The following IL1RN variants were observed in gnomAD, a reference collection of about 807,000 sequenced individuals.
IL1RN encodes the protein interleukin 1 receptor antagonist.
In IL1RN, 10 loss-of-function variants were observed where a neutral mutation model predicts 13.7. The ratio of observed to expected loss-of-function variants is 0.73; its 90% CI spans 0.45 to 1.24. The LOEUF (loss-of-function observed/expected upper bound fraction) is 1.24, where lower values mean the gene tolerates loss of function less well. IL1RN is among the 50% of genes most tolerant of loss of function. The probability of loss-of-function intolerance (pLI) is 0.00; values close to 1 mark genes in which losing one functional copy is unlikely to be tolerated. For missense variants in IL1RN, 213 were observed against 222.1 expected (o/e 0.96, Z 0.26); for synonymous variants, 102 against 82.7 (o/e 1.23, Z -1.27).
At chr2:113,101,194 A>G in the IL1RN span, among the ~76,000 whole-genome samples, 2 of 152,192 alleles carry the variant, frequency 1.3e-5, no homozygotes, top group Admixed American at 6.5e-5. Context: ...CTCCAGACTG[A>G]TAAGAGTCTT....
In IL1RN at chr2:113,132,893, C is replaced by T. The variant is rs184394664; in HGVS notation, c.*22C>T. 534 of 1,608,170 alleles carry T rather than the reference C, an allele frequency of 3.3e-4. 5 individuals carry two copies. In the African/African-American group the frequency reaches 6.7e-3, roughly 20 times the overall value. ...GTAGTACTGCCCAGGCCTGCCTGTTCCCATTCTTGCATGGCAAGGACTGCA... is the reference window on the plus strand; with the variant it reads ...GTAGTACTGCCCAGGCCTGCCTGTTTCCATTCTTGCATGGCAAGGACTGCA... On this transcript the variant is annotated 3_prime_UTR_variant, in exon 4 of 4. Coordinates refer to ENST00000409930, the MANE Select transcript of IL1RN (RefSeq NM_173842.3).
intron 2 of IL1RN, chr2:113,129,935 C>T (rs1178575468): frequency 4.4e-6 from 2 of 459,192 alleles, no homozygotes; most frequent in African/African-American, 4.0e-5. Flanking sequence ...GGGCAAATAC[C>T]AGAAGGCAAG....
upstream of IL1RN, among the ~76,000 whole-genome samples, chr2:113,104,306 A>G (rs934039081): frequency 6.6e-6 from 1 of 152,150 alleles, no homozygotes; most frequent in Non-Finnish European, 1.5e-5. Flanking sequence ...GATGCTTCTC[A>G]GAGGAAAATT....
upstream of IL1RN, among the ~76,000 whole-genome samples, chr2:113,125,881 C>T (rs1686938183): frequency 6.6e-6 from 1 of 152,212 alleles, no homozygotes; most frequent in Non-Finnish European, 1.5e-5. Flanking sequence ...TCACTGCGAC[C>T]TCCATCTCCT....
chr2:113,104,988 A>G (rs1282403377), upstream of IL1RN, among the ~76,000 whole-genome samples: 1 of 152,254 alleles, frequency 6.6e-6, no homozygotes. Context: ...ACAAATTACC[A>G]TAACACAGTG....
chr2:113,103,222 C>T (rs1558857350), upstream of IL1RN, among the ~76,000 whole-genome samples: 1 of 152,118 alleles, frequency 6.6e-6, no homozygotes, highest in African/African-American at 2.4e-5. Context: ...ATATCACAGG[C>T]CTGGGAGTCT....
At chr2:113,116,937 G>T (rs929194013), upstream of IL1RN, among the ~76,000 whole-genome samples, 1 of 152,212 alleles carries the variant, frequency 6.6e-6, no homozygotes, top group Admixed American at 6.5e-5. Flanking sequence ...GGGCAGAAGT[G>T]GTGTGCCCAC....
At chr2:113,129,326 G>A (rs987415321) in intron 1 of IL1RN, among the ~76,000 whole-genome samples, 1 of 152,208 alleles carries the variant, frequency 6.6e-6, no homozygotes, top group Non-Finnish European at 1.5e-5. Flanking sequence ...GGGAATCTCA[G>A]ATGGGAAGCA....
chr2:113,129,493 T>A, intron 1 of IL1RN, 83 bp from the exon 2 acceptor site: 2 of 865,210 alleles, frequency 2.3e-6, no homozygotes, highest in Non-Finnish European at 4.0e-6. Flanking sequence ...ATTTGACAAG[T>A]TCTGGGGGAC....
At chr2:113,115,885 ATTGAC>A (rs1338204493), upstream of IL1RN, among the ~76,000 whole-genome samples, 1 of 152,130 alleles carries the variant, frequency 6.6e-6, no homozygotes, top group African/African-American at 2.4e-5. Context: ...TTGTGTGCTG[ATTGAC>A]TTGTAGTCCC....
chr2:113,118,535 C>T (rs1686658048), intron 1 of IL1RN, among the ~76,000 whole-genome samples: 1 of 152,130 alleles, frequency 6.6e-6, no homozygotes. Flanking sequence ...CTCAGGTGGC[C>T]AGAACTTCTC....
chr2:113,110,406 T>C (rs1228539008), upstream of IL1RN, among the ~76,000 whole-genome samples: 1 of 152,296 alleles, frequency 6.6e-6, no homozygotes, highest in East Asian at 1.9e-4. Context: ...CTCTGATCAA[T>C]CACATCAGGT....
intron 2 of IL1RN, among the ~76,000 whole-genome samples, chr2:113,121,018 C>CT (rs1214906806): frequency 6.6e-5 from 7 of 105,638 alleles, no homozygotes; most frequent in African/African-American, 2.3e-4. Flanking sequence ...CCTCCTCCTT[C>CT]TCCTCTTCTT....
chr2:113,120,615 C>G (rs1046006051), intron 2 of IL1RN, among the ~76,000 whole-genome samples: 1 of 152,084 alleles, frequency 6.6e-6, no homozygotes, highest in African/African-American at 2.4e-5. Flanking sequence ...CCTGGACAAA[C>G]CAAGGTAGTT....
chr2:113,116,109 A>C (rs972342773), upstream of IL1RN, among the ~76,000 whole-genome samples: 1 of 152,148 alleles, frequency 6.6e-6, no homozygotes, highest in African/African-American at 2.4e-5. Flanking sequence ...CATTTTATAG[A>C]TGTGGCCCAG....
chr2:113,120,136 AT>A, intron 2 of IL1RN: 1 of 1,606,538 alleles, frequency 6.2e-7, no homozygotes, highest in Non-Finnish European at 8.5e-7. Context: ...AGGGTAAATT[AT>A]TTTTAGGATC....
the IL1RN span, among the ~76,000 whole-genome samples, chr2:113,101,130 G>A: frequency 3.9e-5 from 6 of 152,202 alleles, no homozygotes; most frequent in Non-Finnish European, 7.3e-5. Context: ...AAGGCGAAAT[G>A]TCAGATAAAG....
At chr2:113,111,089 TA>T (rs1686487099), upstream of IL1RN, 1 of 152,258 alleles carries the variant, frequency 6.6e-6, no homozygotes, top group Non-Finnish European at 1.5e-5. Flanking sequence ...TCACGTGTAA[TA>T]AGCATTGTTT....
At chr2:113,130,636 A>G (rs1353686515) in intron 2 of IL1RN, among the ~76,000 whole-genome samples, 1 of 29,888 alleles carries the variant, frequency 3.3e-5, no homozygotes, top group Non-Finnish European at 6.3e-5. Context: ...AGTGAGGGAA[A>G]TATGGACATC....
Sources: gnomAD v4.1 joint callset for allele counts (sites outside exome capture counted in the v4.1 genomes callset) on GRCh38, gnomAD v4.1.1 for gene constraint, MANE v1.5 for transcripts, NCBI Gene and HGNC (gene_info 2026-07-23, HGNC 2026-07-21) for gene names.